The following PLEKHG1 variants were observed in gnomAD, a reference collection of about 807,000 sequenced individuals.
PLEKHG1 encodes the protein pleckstrin homology domain-containing family G member 1.
Under a neutral mutation model 100.8 loss-of-function variants are expected in PLEKHG1, and 44 were observed. The observed-to-expected ratio is 0.44, with a 90% CI of 0.34 to 0.56. PLEKHG1 has a LOEUF of 0.56. Ranked by LOEUF, PLEKHG1 falls within the 20% of genes least tolerant of loss-of-function variation. The pLI, the probability that PLEKHG1 is intolerant of heterozygous loss-of-function variation, is 0.01. For missense variants in PLEKHG1, 1,545 were observed against 1,720.9 expected (o/e 0.90, Z 1.81); for synonymous variants, 640 against 662.5 (o/e 0.97, Z 0.52).
chr6:150,737,267 G>C (rs1048686373), intron 2 of PLEKHG1, among the ~76,000 whole-genome samples: 15 of 151,044 alleles, frequency 9.9e-5, no homozygotes, highest in Non-Finnish European at 2.1e-4. Flanking sequence ...CCAATAAAAG[G>C]CTGTCATATG....
At chr6:150,795,520 C>T (rs1786272769) in intron 4 of PLEKHG1, among the ~76,000 whole-genome samples, 1 of 151,952 alleles carries the variant, frequency 6.6e-6, no homozygotes, top group South Asian at 2.1e-4. Flanking sequence ...TGTCTACATA[C>T]CTCGTTTCTT....
At chr6:150,720,565 A>G (rs1485405500), upstream of PLEKHG1, among the ~76,000 whole-genome samples, 1 of 152,196 alleles carries the variant, frequency 6.6e-6, no homozygotes, top group African/African-American at 2.4e-5. Context: ...GTGTCTTGTT[A>G]ACAGAAACTA....
In PLEKHG1 at chr6:150,831,368, C is replaced by T; in HGVS notation, c.2257C>T (p.Leu753=). 1 of 1,614,116 alleles carries T rather than the reference C, an allele frequency of 6.2e-7. No homozygotes were observed. Among genetic ancestry groups the T allele is most frequent in the South Asian group, 1.1e-5 (1 of 91,076 alleles). Reference sequence around the variant, plus strand: ...CATAGGGCTCCCAGATCCTCCGTCGCTGGGTTTTAAGTGCAGCAGCCTAAA... The same window carrying T: ...CATAGGGCTCCCAGATCCTCCGTCGTTGGGTTTTAAGTGCAGCAGCCTAAA... The change falls in exon 15 of 16, where the codon CTG becomes TTG. Residue 753 remains leucine (L), a synonymous_variant. Transcript: ENST00000358517. The surrounding 1 kb of genome is among the most constrained non-coding windows in gnomAD (Gnocchi z 4.1).
In PLEKHG1 at chr6:150,821,245, AAT is replaced by A. The variant is rs1427953519; in HGVS notation, c.1447+17_1447+18del. 1.3e-6 allele frequency: 2 copies of A among 1,586,478 alleles called. No homozygotes were observed. Among genetic ancestry groups the A allele is most frequent in the Non-Finnish European group, 1.7e-6 (2 of 1,155,064 alleles). On this transcript the variant is annotated intron_variant, in intron 13 of 15. Transcript: ENST00000358517. Reference sequence around the variant, plus strand: ...TTTGAAGACCAGTGGTAAGTCGTAAAATATATTTTCCTGTTTCATTCTTGTTG... The same window carrying A: ...TTTGAAGACCAGTGGTAAGTCGTAAAATATTTTCCTGTTTCATTCTTGTTG...
chr6:150,623,663 TG>T (rs1190874872), intron 1 of PLEKHG1, among the ~76,000 whole-genome samples: 1 of 152,206 alleles, frequency 6.6e-6, no homozygotes, highest in African/African-American at 2.4e-5. Flanking sequence ...TGTACAATTG[TG>T]GTGCTCTTTT....
rs1182819938 is a variant in PLEKHG1 at position 150,816,317 on chromosome 6, T to C, written c.1279-1866T>C. Among the ~76,000 whole-genome samples the C allele has an allele frequency of 2.2e-5, 3 of 136,214 alleles. No homozygotes were observed. In the East Asian group the frequency reaches 7.3e-4, roughly 33 times the overall value. The allele number at this position is 136,214 out of a possible 152,430, so 89.4% of individuals were successfully genotyped here. ...GAATGTAAGGAGGTTTGAAGTTGTC[T>C]CAAACATACTTTTTTTTTTTTTTTT... is the stretch of plus-strand genomic sequence containing the variant. On this transcript the variant is annotated intron_variant, in intron 10 of 15. Coordinates refer to ENST00000358517, the Ensembl canonical transcript of PLEKHG1.
chr6:150,612,434 G>A (rs1776891849), intron 1 of PLEKHG1, among the ~76,000 whole-genome samples: 2 of 152,094 alleles, frequency 1.3e-5, no homozygotes, highest in African/African-American at 2.4e-5. Flanking sequence ...CCGGATTCCG[G>A]CAATTCTCCT....
At chr6:150,741,831 A>G (rs1233151739) in intron 2 of PLEKHG1, among the ~76,000 whole-genome samples, 1 of 152,214 alleles carries the variant, frequency 6.6e-6, no homozygotes. Flanking sequence ...AGTACCATAG[A>G]CGTTCTGGAC....
exon 2 of PLEKHG1, chr6:150,734,043 T>G: frequency 6.2e-7 from 1 of 1,614,008 alleles, no homozygotes; most frequent in Non-Finnish European, 8.5e-7. Flanking sequence ...GTTCAGGAAA[T>G]TCTGGAAACC....
Position 150,800,354 on chromosome 6 carries a change from C to T in PLEKHG1, c.630-365C>T, listed in dbSNP as rs151021441. On this transcript the variant is annotated intron_variant, in intron 5 of 15. Transcript: ENST00000358517. ...AATCTAACGCGTGGAAATGGAATACCGACGTGCTGTGTGAGCACTGCACAG... is the reference window on the plus strand; with the variant it reads ...AATCTAACGCGTGGAAATGGAATACTGACGTGCTGTGTGAGCACTGCACAG... Among the ~76,000 whole-genome samples, 417 of 152,266 alleles carry T rather than the reference C, an allele frequency of 2.7e-3. 1 individual carries two copies. Among genetic ancestry groups the T allele is most frequent in the Non-Finnish European group, 5.2e-3 (354 of 68,018 alleles).
At chr6:150,674,632 C>CCTCTCTCTCTCTCT (rs756355880) in intron 3 of PLEKHG1, among the ~76,000 whole-genome samples, 46 of 66,308 alleles carry the variant, frequency 6.9e-4, no homozygotes, top group South Asian at 1.6e-3. Flanking sequence ...CTCTCTCCTC[C>CCTCTCTCTCTCTCT]CTCTCTCTCT....
intron 3 of PLEKHG1, among the ~76,000 whole-genome samples, chr6:150,769,584 C>CA (rs5880898): frequency 0.46 from 29,266 of 63,716 alleles, 5,932 homozygotes; most frequent in African/African-American, 0.61. Flanking sequence ...GACTCCATCT[C>CA]AAAAAAAAAA....
chr6:150,798,045 A>G (rs969872745), intron 5 of PLEKHG1, among the ~76,000 whole-genome samples: 1 of 152,056 alleles, frequency 6.6e-6, no homozygotes, highest in African/African-American at 2.4e-5. Context: ...ACCCATAGTT[A>G]ATTTACATGG....
At chr6:150,745,842 A>G (rs548665815) in intron 2 of PLEKHG1, among the ~76,000 whole-genome samples, 1 of 152,324 alleles carries the variant, frequency 6.6e-6, no homozygotes, top group East Asian at 1.9e-4. Context: ...TATAGTAAAT[A>G]GGGAACTTCA....
exon 3 of PLEKHG1, chr6:150,768,700 C>T: frequency 6.2e-7 from 1 of 1,611,372 alleles, no homozygotes. Context: ...AAAGATCAGC[C>T]CTTTTTGGAA....
intron 2 of PLEKHG1, among the ~76,000 whole-genome samples, chr6:150,760,330 C>A (rs1784083685): frequency 6.6e-6 from 1 of 152,006 alleles, no homozygotes; most frequent in South Asian, 2.1e-4. Context: ...TGGCCTGGGA[C>A]CTGGAGAGTA....
rs1273065814 is a variant in PLEKHG1 at position 150,809,389 on chromosome 6, C to T, written c.1104C>T (p.Asn368=). 22 of 1,613,656 alleles carry T rather than the reference C, an allele frequency of 1.4e-5. 1 individual carries two copies. The South Asian group carries it at 2.0e-4, about 14-fold the overall frequency. The change falls in exon 9 of 16, where the codon AAC becomes AAT. Residue 368 remains asparagine, a synonymous_variant. Coordinates refer to ENST00000358517, the Ensembl canonical transcript of PLEKHG1. ...TGCTCTCTCTGCTCTAGTGTGGCAA[C>T]CTCATGCTTGTGGAGGTGATTCCAA...
intron 3 of PLEKHG1, among the ~76,000 whole-genome samples, chr6:150,707,975 C>A (rs1781092415): frequency 6.6e-6 from 1 of 152,166 alleles, no homozygotes; most frequent in Non-Finnish European, 1.5e-5. Flanking sequence ...TTCCAGGGAC[C>A]CCTGCCCCGG....
At chr6:150,747,029 G>C (rs890488051) in intron 2 of PLEKHG1, among the ~76,000 whole-genome samples, 1 of 152,240 alleles carries the variant, frequency 6.6e-6, no homozygotes, top group Non-Finnish European at 1.5e-5. Flanking sequence ...TCAGGTGATT[G>C]AGTAGCTATT....
Sources: gnomAD v4.1 joint callset for allele counts (sites outside exome capture counted in the v4.1 genomes callset) on GRCh38, gnomAD v4.1.1 for gene constraint, Gnocchi (gnomAD v3.1) non-coding constraint, MANE v1.5 for transcripts, NCBI Gene and HGNC (gene_info 2026-07-23, HGNC 2026-07-21) for gene names.